The following DTNB variants were observed in gnomAD, a reference collection of about 807,000 sequenced individuals.
DTNB encodes dystrobrevin beta, also known as DTN-B.
In DTNB, 63 loss-of-function variants were observed where a neutral mutation model predicts 90.7. That is an observed-to-expected ratio of 0.69 (90% CI 0.57 to 0.86). The LOEUF (loss-of-function observed/expected upper bound fraction) is 0.86. DTNB is among the 40% of genes least tolerant of loss of function. DTNB has a pLI of 0.00. For synonymous variants in DTNB, 277 were observed against 286.7 expected (o/e 0.97, Z 0.34); for missense variants, 744 against 807.1 (o/e 0.92, Z 0.95).
chr2:25,445,161 C>T (rs1032488988), intron 12 of DTNB, among the ~76,000 whole-genome samples: 7 of 152,268 alleles, frequency 4.6e-5, no homozygotes, highest in African/African-American at 1.2e-4. Context: ...GACTATATAA[C>T]GGCATAAAAT....
intron 10 of DTNB, among the ~76,000 whole-genome samples, chr2:25,466,520 C>T (rs1231228620): frequency 6.6e-6 from 1 of 152,192 alleles, no homozygotes; most frequent in Non-Finnish European, 1.5e-5. Flanking sequence ...GGAGTAAACA[C>T]CAAGTGCCGT....
chr2:25,599,147 G>A (rs1369979585), intron 5 of DTNB: 1 of 151,246 alleles, frequency 6.6e-6, no homozygotes, highest in East Asian at 1.9e-4. Context: ...GGGGACAGGG[G>A]AGGCCAAGTC....
intron 16 of DTNB, among the ~76,000 whole-genome samples, chr2:25,417,606 G>A (rs554089996): frequency 1.9e-4 from 29 of 152,198 alleles, no homozygotes; most frequent in Admixed American, 5.9e-4. Context: ...AGAGAGATCA[G>A]AAGATGCTGT....
At chr2:25,386,610 C>T (rs1485671315) in intron 18 of DTNB, among the ~76,000 whole-genome samples, 2 of 152,128 alleles carry the variant, frequency 1.3e-5, no homozygotes, top group South Asian at 2.1e-4. Flanking sequence ...TAGGAGGATA[C>T]GTGAATGGCC....
At chr2:25,610,349 T>C (rs554543847) in intron 4 of DTNB, among the ~76,000 whole-genome samples, 2 of 152,350 alleles carry the variant, frequency 1.3e-5, no homozygotes, top group African/African-American at 2.4e-5. Flanking sequence ...ACTTTCATAA[T>C]TGATTACTTT....
intron 18 of DTNB, among the ~76,000 whole-genome samples, chr2:25,384,470 G>A (rs2038892179): frequency 6.6e-6 from 1 of 152,198 alleles, no homozygotes; most frequent in South Asian, 2.1e-4. Flanking sequence ...CTGTGATGGA[G>A]AGCAGGGTGC....
intron 16 of DTNB, among the ~76,000 whole-genome samples, chr2:25,400,984 G>C (rs141063996): frequency 8.1e-4 from 124 of 152,274 alleles, no homozygotes; most frequent in African/African-American, 2.7e-3. Flanking sequence ...TCCAAGAAAA[G>C]TGTTCAGAAA....
intron 9 of DTNB, among the ~76,000 whole-genome samples, chr2:25,500,418 C>T (rs564981527): frequency 2.6e-5 from 4 of 152,266 alleles, no homozygotes; most frequent in South Asian, 2.1e-4. Flanking sequence ...GAGGCAGCAG[C>T]GCTCCTCATG....
chr2:25,428,171 TCTTGTCTCTGTCTCTTTTTTTTTC>T (rs1382561043), intron 14 of DTNB, among the ~76,000 whole-genome samples: 1 of 152,162 alleles, frequency 6.6e-6, no homozygotes, highest in Non-Finnish European at 1.5e-5. Context: ...TAAATGGTTT[TCTTGTCTCTGTCTCTTTTTTTTTC>T]CTTGTCTCTG....
intron 9 of DTNB, among the ~76,000 whole-genome samples, chr2:25,518,143 T>C (rs932281066): frequency 1.3e-5 from 2 of 152,194 alleles, no homozygotes; most frequent in Non-Finnish European, 2.9e-5. Flanking sequence ...TTGCCATTAC[T>C]GAACTGTACG....
At chr2:25,529,312 C>T (rs1848307) in intron 9 of DTNB, among the ~76,000 whole-genome samples, 41,678 of 151,846 alleles carry the variant, frequency 0.27, 6,261 homozygotes, top group East Asian at 0.46. Context: ...ATGCAGAAAG[C>T]GAGCGGCTGG....
chr2:25,626,556 T>G (rs2074206766), intron 4 of DTNB, among the ~76,000 whole-genome samples: 1 of 152,110 alleles, frequency 6.6e-6, no homozygotes, highest in Non-Finnish European at 1.5e-5. Flanking sequence ...TTGAGCCCAG[T>G]AGTTAGACCA....
At chr2:25,553,016 A>G (rs478237) in intron 8 of DTNB, among the ~76,000 whole-genome samples, 46,179 of 150,168 alleles carry the variant, frequency 0.31, 8,325 homozygotes, top group East Asian at 0.51. Flanking sequence ...GCCCGCCACC[A>G]CGCCCGGCTA....
At chr2:25,473,904 C>G (rs576515461) in intron 10 of DTNB, among the ~76,000 whole-genome samples, 29 of 152,328 alleles carry the variant, frequency 1.9e-4, no homozygotes, top group African/African-American at 6.3e-4. Flanking sequence ...TCTTTTTCCC[C>G]AAACTTGCTC....
chr2:25,569,914 T>C (rs1286815144), intron 8 of DTNB, among the ~76,000 whole-genome samples: 1 of 151,784 alleles, frequency 6.6e-6, no homozygotes, highest in Non-Finnish European at 1.5e-5. Flanking sequence ...CTGGCCAACA[T>C]GGTGAAACCC....
intron 11 of DTNB, among the ~76,000 whole-genome samples, chr2:25,453,015 T>C (rs2059498808): frequency 6.6e-6 from 1 of 152,018 alleles, no homozygotes; most frequent in Non-Finnish European, 1.5e-5. Context: ...AAGGTATTTG[T>C]CTGAAATAAG....
At chr2:25,671,611 A>G (rs2085928252) in intron 1 of DTNB, among the ~76,000 whole-genome samples, 1 of 152,248 alleles carries the variant, frequency 6.6e-6, no homozygotes, top group Non-Finnish European at 1.5e-5. Context: ...CAATAAGTTG[A>G]AATTCTCTTG....
chr2:25,465,496 G>A (rs1439316990), intron 10 of DTNB, among the ~76,000 whole-genome samples: 1 of 152,118 alleles, frequency 6.6e-6, no homozygotes, highest in African/African-American at 2.4e-5. Context: ...TATTAAAAAT[G>A]CTTTTTAAAA....
intron 18 of DTNB, among the ~76,000 whole-genome samples, chr2:25,385,809 T>C (rs905147781): frequency 1.3e-5 from 2 of 152,228 alleles, no homozygotes; most frequent in Non-Finnish European, 2.9e-5. Context: ...GTGAAGCTAT[T>C]TGGTCTCTAT....
Sources: gnomAD v4.1 joint callset for allele counts (sites outside exome capture counted in the v4.1 genomes callset) on GRCh38, gnomAD v4.1.1 for gene constraint, MANE v1.5 for transcripts, NCBI Gene and HGNC (gene_info 2026-07-23, HGNC 2026-07-21) for gene names.